MYOF: variants seen among roughly 807,000 people sequenced by gnomAD.
The protein encoded by MYOF is myoferlin, also known as fer-1-like 3, myoferlin.
Under a neutral mutation model 284.2 loss-of-function variants are expected in MYOF, and 244 were observed. That is an observed-to-expected ratio of 0.86 (90% confidence interval 0.77 to 0.95). The LOEUF (loss-of-function observed/expected upper bound fraction) is 0.95, where lower values mean the gene tolerates loss of function less well. Among genes scored for constraint, MYOF ranks in the 40% least tolerant of loss-of-function variants. The pLI is 0.00. For missense variants in MYOF, 2,496 were observed against 2,560.6 expected (o/e 0.97, Z 0.54); for synonymous variants, 904 against 919.7 (o/e 0.98, Z 0.31).
chr10:93,320,548 A>AGAT (rs1842805240), intron 48 of MYOF, among the ~76,000 whole-genome samples: 1 of 152,248 alleles, frequency 6.6e-6, no homozygotes, highest in African/African-American at 2.4e-5. Flanking sequence ...CCGGCAAGGA[A>AGAT]GATGTCAGCT....
chr10:93,442,933 C>T (rs185436588), intron 3 of MYOF, among the ~76,000 whole-genome samples: 8 of 152,048 alleles, frequency 5.3e-5, no homozygotes, highest in African/African-American at 1.2e-4. Flanking sequence ...CCGAGGGGGG[C>T]GGGTCACATG....
intron 5 of MYOF, among the ~76,000 whole-genome samples, chr10:93,424,306 G>A (rs776280395): frequency 1.3e-5 from 2 of 152,194 alleles, no homozygotes; most frequent in Non-Finnish European, 2.9e-5. Flanking sequence ...GCCAGAAAGC[G>A]CCTAGTGCCT....
intron 2 of MYOF, among the ~76,000 whole-genome samples, chr10:93,453,840 G>A (rs777760818): frequency 6.6e-6 from 1 of 152,038 alleles, no homozygotes; most frequent in Non-Finnish European, 1.5e-5. Context: ...AGTTATGACT[G>A]TGCCATTACA....
chr10:93,388,950 A>C, intron 18 of MYOF, 80 bp downstream of exon 18: 2 of 1,525,774 alleles, frequency 1.3e-6, no homozygotes, highest in Non-Finnish European at 1.8e-6. Flanking sequence ...TCTATCCTGC[A>C]ATACTTGATC....
chr10:93,316,477 A>C (rs552183679), intron 50 of MYOF, among the ~76,000 whole-genome samples: 8 of 152,168 alleles, frequency 5.3e-5, no homozygotes, highest in African/African-American at 1.9e-4. Context: ...TTGAGTCTTC[A>C]CAGACAGACA....
intron 51 of MYOF, among the ~76,000 whole-genome samples, chr10:93,311,127 A>G (rs1486203503): frequency 2.0e-5 from 3 of 152,214 alleles, no homozygotes; most frequent in African/African-American, 7.2e-5. Context: ...AGCTCAATAA[A>G]TGAATGAATG....
intron 7 of MYOF, among the ~76,000 whole-genome samples, chr10:93,405,932 G>T (rs12266861): frequency 0.068 from 10,234 of 150,510 alleles, 452 homozygotes; most frequent in African/African-American, 0.13. Context: ...CGAGTAGCTG[G>T]GATTACAGCC....
At chr10:93,470,028 A>T (rs1278513954) in intron 1 of MYOF, among the ~76,000 whole-genome samples, 1 of 152,084 alleles carries the variant, frequency 6.6e-6, no homozygotes, top group Non-Finnish European at 1.5e-5. Context: ...CAGGAGTTCG[A>T]GACCAGCCTG....
rs762806836 is a variant in MYOF, at chr10:93,369,776, A to G, written c.2458T>C (p.Tyr820His). 6.2e-7 allele frequency: 1 copy of G among 1,614,162 alleles called. No individual in the cohort carries two copies. Residue 820 changes from tyrosine (Y) to histidine (H), a missense_variant and splice_region_variant, in exon 25 of 54, where the codon TAT becomes CAT. Physicochemically the swap from Tyr to His is moderately conservative, Grantham distance 83. This residue lies in a region of MYOF where 2,436 missense variants were observed against 2,480.7 expected (regional missense o/e 0.98). Coordinates refer to ENST00000359263, the MANE Select transcript of MYOF (RefSeq NM_013451.4). ...GGCCCGTTGTTTTTCTCCTGTGGAT[A>G]CTGTGAGATGAACAATAGCATGTGA... ...CGKTQTIFLK[Y>H]PQEKNNGPKV...
intron 20 of MYOF, 23 bp from the exon 21 acceptor site, chr10:93,380,010 A>C: frequency 6.2e-7 from 1 of 1,608,346 alleles, no homozygotes; most frequent in Non-Finnish European, 8.5e-7. Flanking sequence ...ATTGGGGGTC[A>C]ATGAACACTG....
chr10:93,466,710 A>G (rs2057016490), intron 1 of MYOF, among the ~76,000 whole-genome samples: 2 of 152,196 alleles, frequency 1.3e-5, no homozygotes, highest in Admixed American at 6.5e-5. Flanking sequence ...CGCAGTGCTC[A>G]CACCTGTAAT....
intron 9 of MYOF, among the ~76,000 whole-genome samples, chr10:93,403,275 TCTC>T (rs1232204499): frequency 1.3e-5 from 2 of 152,122 alleles, no homozygotes; most frequent in Admixed American, 1.3e-4. Flanking sequence ...TCCTCCTCCT[TCTC>T]CTCCAGCTAA....
rs1847071352 is a variant in MYOF, at chr10:93,397,394, C to G, written c.1284G>C (p.Gln428His). The G allele has an allele frequency of 1.2e-6, 2 of 1,611,436 alleles. No homozygotes were observed. Residue 428 changes from glutamine to histidine, a missense_variant, in exon 14 of 54, where the codon CAG (glutamine) becomes CAC (histidine). Physicochemically the swap from Gln to His is conservative, Grantham distance 24 (BLOSUM62 0). Transcript: ENST00000359263. Reference sequence around the variant, plus strand: ...AAAGAAAATAAAGTCAAACCTTGATCTGAAGATTGACGACCTGATTCCACT... The same window carrying G: ...AAAGAAAATAAAGTCAAACCTTGATGTGAAGATTGACGACCTGATTCCACT... ...NPEWNQVVNL[Q>H]IKFPSVCEKI...
At chr10:93,371,735 T>TC (rs975898149) in intron 24 of MYOF, among the ~76,000 whole-genome samples, 2 of 133,074 alleles carry the variant, frequency 1.5e-5, no homozygotes, top group African/African-American at 5.5e-5. Flanking sequence ...CCTTCAACCT[T>TC]TTTTTTTAAA....
chr10:93,330,400 G>T (rs1843246272), intron 43 of MYOF, among the ~76,000 whole-genome samples: 1 of 152,044 alleles, frequency 6.6e-6, no homozygotes, highest in South Asian at 2.1e-4. Context: ...TCCCTCCTCT[G>T]CCTCAATAGA....
intron 1 of MYOF, among the ~76,000 whole-genome samples, chr10:93,477,165 G>A (rs2057281249): frequency 6.6e-6 from 1 of 152,204 alleles, no homozygotes; most frequent in African/African-American, 2.4e-5. Context: ...GAAAATGGAA[G>A]CCTAAGGCAA....
intron 3 of MYOF, among the ~76,000 whole-genome samples, chr10:93,438,922 C>T (rs1215820834): frequency 2.0e-5 from 3 of 152,190 alleles, no homozygotes; most frequent in Admixed American, 6.5e-5. Flanking sequence ...GCCAGAGAAC[C>T]TTGCGGCTCT....
intron 1 of MYOF, among the ~76,000 whole-genome samples, chr10:93,463,394 ATTT>A (rs1554872325): frequency 5.1e-5 from 4 of 78,934 alleles, no homozygotes; most frequent in Non-Finnish European, 6.9e-5. Context: ...GTCTCTACAA[ATTT>A]TTTTTTTTTT....
At chr10:93,358,354 G>A (rs148330642) in intron 29 of MYOF, among the ~76,000 whole-genome samples, 2,148 of 152,306 alleles carry the variant, frequency 0.014, 58 homozygotes, top group African/African-American at 0.049. Flanking sequence ...GTTGGTGGGA[G>A]TGTAAATTAG....
Sources: gnomAD v4.1 joint callset for allele counts (sites outside exome capture counted in the v4.1 genomes callset) on GRCh38, gnomAD v4.1.1 for gene constraint, gnomAD v4.1.1 regional missense constraint, MANE v1.5 for transcripts, NCBI Gene and HGNC (gene_info 2026-07-23, HGNC 2026-07-21) for gene names.